Variants in MAP7 observed in about 807,000 individuals in gnomAD.
The protein encoded by MAP7 is microtubule associated protein 7.
In MAP7, 52 loss-of-function variants were observed where a neutral mutation model predicts 94.8. That is an observed-to-expected ratio of 0.55 (90% CI 0.44 to 0.69). The LOEUF (loss-of-function observed/expected upper bound fraction) is 0.69. MAP7 is among the 30% of genes least tolerant of loss of function. The probability of loss-of-function intolerance (pLI) is 0.00; values close to 1 mark genes in which losing one functional copy is unlikely to be tolerated. For synonymous variants in MAP7, 350 were observed against 357.0 expected (o/e 0.98, Z 0.22); for missense variants, 940 against 964.6 (o/e 0.97, Z 0.34).
At chr6:136,442,103 T>A (rs1490534596) in intron 1 of MAP7, among the ~76,000 whole-genome samples, 1 of 152,012 alleles carries the variant, frequency 6.6e-6, no homozygotes, top group Admixed American at 6.6e-5. Context: ...CATAAAACTT[T>A]TAAAAAGCGA....
chr6:136,484,505 T>C (rs1333852104), intron 1 of MAP7, among the ~76,000 whole-genome samples: 1 of 152,194 alleles, frequency 6.6e-6, no homozygotes, highest in Non-Finnish European at 1.5e-5. Context: ...ATTAAACTCT[T>C]AGACAATAAG....
chr6:136,355,574 A>C (rs1790674637), intron 16 of MAP7, among the ~76,000 whole-genome samples: 1 of 144,638 alleles, frequency 6.9e-6, no homozygotes, highest in South Asian at 2.2e-4. Flanking sequence ...TTACATTATA[A>C]AATTACATTA....
chr6:136,352,612 T>C (rs3799405), intron 16 of MAP7, among the ~76,000 whole-genome samples: 1,558 of 152,330 alleles, frequency 0.01, 22 homozygotes, highest in East Asian at 0.039. Context: ...ATCCGAATGA[T>C]AGTTATTCTT....
At chr6:136,520,672 G>A (rs1193331277) in intron 1 of MAP7, among the ~76,000 whole-genome samples, 1 of 152,204 alleles carries the variant, frequency 6.6e-6, no homozygotes, top group African/African-American at 2.4e-5. Context: ...GAGAGAGGAG[G>A]TTTCCTGCAG....
chr6:136,415,332 TAGAC>T (rs1000278835), intron 2 of MAP7, among the ~76,000 whole-genome samples: 2 of 152,222 alleles, frequency 1.3e-5, no homozygotes, highest in African/African-American at 4.8e-5. Flanking sequence ...GTCTGTAAAA[TAGAC>T]AGTTTAATTA....
chr6:136,451,472 T>A (rs543656893), intron 1 of MAP7, among the ~76,000 whole-genome samples: 1 of 152,302 alleles, frequency 6.6e-6, no homozygotes, highest in African/African-American at 2.4e-5. Flanking sequence ...TGACAATGCA[T>A]CAGGTCATCC....
At chr6:136,406,178 T>C (rs915390439) in intron 3 of MAP7, among the ~76,000 whole-genome samples, 6 of 152,218 alleles carry the variant, frequency 3.9e-5, no homozygotes, top group African/African-American at 1.4e-4. Flanking sequence ...GGATCGATTC[T>C]AAGTTCATAA....
At chr6:136,405,429 G>C (rs1412985860) in intron 3 of MAP7, among the ~76,000 whole-genome samples, 2 of 152,200 alleles carry the variant, frequency 1.3e-5, no homozygotes, top group African/African-American at 2.4e-5. Context: ...AGGAGGAGAG[G>C]GAATGAACTA....
intron 1 of MAP7, among the ~76,000 whole-genome samples, chr6:136,538,890 T>C (rs1346671937): frequency 6.6e-6 from 1 of 151,578 alleles, no homozygotes; most frequent in Non-Finnish European, 1.5e-5. Context: ...CAGGCCAGTG[T>C]ACAGCAACCT....
chr6:136,345,118 G>A (rs750279412), intron 17 of MAP7, among the ~76,000 whole-genome samples: 6 of 152,200 alleles, frequency 3.9e-5, no homozygotes, highest in South Asian at 2.1e-4. Flanking sequence ...ATGGGATTGC[G>A]TTGCTGAGCT....
At chr6:136,544,009 T>C (rs992195310) in intron 1 of MAP7, among the ~76,000 whole-genome samples, 1 of 152,068 alleles carries the variant, frequency 6.6e-6, no homozygotes. Context: ...ACACCCTCCG[T>C]CTCCCAGGTT....
At chr6:136,395,862 C>T (rs1168551677) in intron 3 of MAP7, among the ~76,000 whole-genome samples, 3 of 152,130 alleles carry the variant, frequency 2.0e-5, no homozygotes, top group Non-Finnish European at 4.4e-5. Flanking sequence ...AATCAGTTGG[C>T]TGTAAATACA....
intron 1 of MAP7, among the ~76,000 whole-genome samples, chr6:136,533,292 A>G (rs1371862681): frequency 6.6e-6 from 1 of 152,116 alleles, no homozygotes; most frequent in African/African-American, 2.4e-5. Context: ...CAAAAAACCT[A>G]CTGATAAAGA....
intron 1 of MAP7, among the ~76,000 whole-genome samples, chr6:136,503,612 GA>G (rs1157149304): frequency 1.3e-5 from 2 of 152,014 alleles, no homozygotes; most frequent in South Asian, 2.1e-4. Context: ...CCCCTAAGGG[GA>G]AAAAAACCAC....
intron 3 of MAP7, 52 bp downstream of exon 3, chr6:136,411,568 A>T: frequency 6.8e-7 from 1 of 1,463,614 alleles, no homozygotes; most frequent in Non-Finnish European, 9.3e-7. Context: ...AGACCACGGT[A>T]TTATAGTGAC....
At chr6:136,373,436 G>C (rs1030847104) in intron 7 of MAP7, among the ~76,000 whole-genome samples, 4 of 152,166 alleles carry the variant, frequency 2.6e-5, no homozygotes, top group African/African-American at 4.8e-5. Context: ...GTTGAACCGT[G>C]AAGAACCTTT....
At chr6:136,437,388 T>C (rs1796662509) in intron 1 of MAP7, among the ~76,000 whole-genome samples, 1 of 152,152 alleles carries the variant, frequency 6.6e-6, no homozygotes. Flanking sequence ...AATAGATTTG[T>C]TGCTATGAAT....
At chr6:136,369,905 C>G (rs2128597355) in intron 8 of MAP7, among the ~76,000 whole-genome samples, 1 of 152,174 alleles carries the variant, frequency 6.6e-6, no homozygotes, top group East Asian at 1.9e-4. Context: ...AATAAAGTGT[C>G]AATAAATTAA....
chr6:136,411,696 G>T lies in MAP7; in HGVS notation c.168C>A (p.Asp56Glu), dbSNP rs772859968. Residue 56 changes from aspartate to glutamate, a missense_variant and splice_region_variant, in exon 3 of 18, where the codon GAC (aspartate) becomes GAA (glutamate). Transcript: ENST00000354570. ...CATCAACACGTAACACAGGCGGAGGGTCTGAAAGCGAGATTAAAAAAAACA... is the reference window on the plus strand; with the variant it reads ...CATCAACACGTAACACAGGCGGAGGTTCTGAAAGCGAGATTAAAAAAAACA... ...QNNNHSGNKP[D>E]PPPVLRVDDR... The T allele has an allele frequency of 6.4e-7, 1 of 1,559,630 alleles. No homozygotes were observed. Among genetic ancestry groups the T allele is most frequent in the South Asian group, 1.2e-5 (1 of 84,472 alleles).
Sources: allele counts gnomAD v4.1 joint callset (sites outside exome capture counted in the v4.1 genomes callset), GRCh38; gene constraint gnomAD v4.1.1; transcripts MANE v1.5; gene names NCBI Gene and HGNC (gene_info 2026-07-23, HGNC 2026-07-21).